The following LAMA5 variants were observed in gnomAD, a reference collection of about 807,000 sequenced individuals.
LAMA5 encodes laminin subunit alpha-5.
LAMA5 carries 260 observed loss-of-function variants against 433.4 expected under a neutral mutation model. The observed-to-expected ratio is 0.60, with a 90% confidence interval of 0.54 to 0.66. LAMA5 has a LOEUF of 0.66. Among genes scored for constraint, LAMA5 ranks in the 30% least tolerant of loss-of-function variants. The pLI is 0.00. For missense variants in LAMA5, 5,378 were observed against 5,258.5 expected (o/e 1.02, Z -0.70); for synonymous variants, 2,620 against 2,226.6 (o/e 1.18, Z -4.97).
At position 62,312,649 on chromosome 20, in the gene LAMA5, G is replaced by T; in HGVS notation, c.9210C>A (p.Pro3070=). 1.2e-6 allele frequency: 2 copies of T among 1,606,990 alleles called. No individual in the cohort carries two copies. Among genetic ancestry groups the T allele is most frequent in the East Asian group, 2.2e-5 (1 of 44,454 alleles). Residue 3070 remains proline, a synonymous_variant, in exon 67 of 80, where the codon CCC becomes CCA. Transcript: ENST00000252999. ...GTGCTTACCTCGGGGGCAGCTGGTC[G>T]GGCGGCACGCCCCCCAGGTAGTAGG... ...ADAYYLGGVP[P]DQLPPSLRRL...
intron 11 of LAMA5, among the ~76,000 whole-genome samples, chr20:62,342,562 C>T (rs1461648987): frequency 6.6e-6 from 1 of 151,932 alleles, no homozygotes; most frequent in African/African-American, 2.4e-5. Flanking sequence ...ACCTGTAGTC[C>T]CAGCTACTCA....
intron 57 of LAMA5, chr20:62,316,260 C>CCA: frequency 1.7e-6 from 1 of 594,986 alleles, no homozygotes. Flanking sequence ...GCCTCTGGTC[C>CCA]CACTGCAGGC....
intron 58 of LAMA5, 113 bp from the exon 59 acceptor site, chr20:62,315,320 G>A: frequency 1.2e-6 from 1 of 848,018 alleles, no homozygotes. Flanking sequence ...CCTATGGATC[G>A]TGTGAGACCC....
At chr20:62,361,928 G>C (rs970802908) in intron 2 of LAMA5, among the ~76,000 whole-genome samples, 1 of 152,154 alleles carries the variant, frequency 6.6e-6, no homozygotes, top group Non-Finnish European at 1.5e-5. Context: ...GCAGGCACCC[G>C]ACCCCACCTA....
intron 2 of LAMA5, among the ~76,000 whole-genome samples, chr20:62,354,151 G>C (rs149796056): frequency 1.3e-5 from 2 of 152,074 alleles, no homozygotes; most frequent in Non-Finnish European, 2.9e-5. Context: ...CCTCGGGGCT[G>C]GGGGACAGCC....
In LAMA5 at chr20:62,327,414, C is replaced by G; in HGVS notation, c.4939-8G>C. 6.3e-7 allele frequency: 1 copy of G among 1,587,334 alleles called. No individual in the cohort carries two copies. Among genetic ancestry groups the G allele is most frequent in the Non-Finnish European group, 8.6e-7 (1 of 1,164,848 alleles). On this transcript the variant is annotated splice_region_variant and splice_polypyrimidine_tract_variant and intron_variant, in intron 37 of 79. Transcript: ENST00000252999. ...TCCCTCCATATCCACGAACTGTGGG[C>G]ACACACGTGTGGCTGCACACGGGTG...
At chr20:62,345,989 G>A (rs1280043326) in intron 10 of LAMA5, 92 bp downstream of exon 10, 5 of 1,581,024 alleles carry the variant, frequency 3.2e-6, no homozygotes, top group Non-Finnish European at 4.3e-6. Context: ...AGGATAACAT[G>A]GTCCATCCCG....
In LAMA5 at chr20:62,320,793, G is replaced by T. The variant is rs772417233; in HGVS notation, c.6594C>A (p.Ser2198Arg). The T allele has an allele frequency of 4.0e-5, 65 of 1,612,600 alleles. No individual in the cohort carries two copies. Among genetic ancestry groups the T allele is most frequent in the Admixed American group, 1.7e-4 (10 of 59,962 alleles). Residue 2198 changes from serine to arginine, a missense_variant, in exon 49 of 80, where the codon AGC becomes AGA. Physicochemically the swap from Ser to Arg is moderately radical, Grantham distance 110 (BLOSUM62 -1). Coordinates refer to ENST00000252999, the MANE Select transcript of LAMA5 (RefSeq NM_005560.6). The part of the protein sequence containing the change: ...IHEQLRGINA[S>R]SMAWARLHRL... ...TGTGCAGACGGGCCCAGGCCATGGA[G>T]CTGGCATTGATGCCACGCAGTTGCT...
At chr20:62,326,233 A>AAAC (rs543030976) in intron 40 of LAMA5, among the ~76,000 whole-genome samples, 883 of 56,242 alleles carry the variant, frequency 0.016, 4 homozygotes, top group African/African-American at 0.03. Context: ...ACAAACAAAC[A>AAAC]AAAAAAAAAA....
Position 62,337,781 on chromosome 20 carries a change from C to A in LAMA5, c.2026+23G>T, listed in dbSNP as rs769464794. ...AGTGGAGACTGCACCTGCCTCCCCA[C>A]CACTTCCTCCCTAGGCACTCACGGA... On this transcript the variant is annotated intron_variant, in intron 15 of 79. Coordinates refer to ENST00000252999, the MANE Select transcript of LAMA5 (RefSeq NM_005560.6). 4 of 1,609,942 alleles carry A rather than the reference C, an allele frequency of 2.5e-6. No individual in the cohort carries two copies. The South Asian group carries it at 3.3e-5, about 13-fold the overall frequency.
chr20:62,309,756 T>C lies in LAMA5; in HGVS notation c.10908A>G (p.Ala3636=), dbSNP rs1245687550. 6.2e-7 allele frequency: 1 copy of C among 1,604,366 alleles called. No homozygotes were observed. The highest frequency in any genetic ancestry group is 1.1e-5 in the South Asian group (1 of 90,424). ...NHTVGPLLAA[A]AGAPAPLYLG... ...GGTACAGAGGGGCTGGGGCACCAGC[T>C]GCAGCCGCCAGCAAGGGGCCCACGG... The change falls in exon 79 of 80, where the codon GCA becomes GCG. Residue 3636 remains alanine, a synonymous_variant. Transcript: ENST00000252999.
chr20:62,321,388 G>GTCAGAGGACCGGTGGGT (rs1568917581), intron 48 of LAMA5, among the ~76,000 whole-genome samples: 1 of 3,584 alleles, frequency 2.8e-4, no homozygotes, highest in Non-Finnish European at 8.1e-4. Context: ...GAGGGGTGGG[G>GTCAGAGGACCGGTGGGT]TCAGAGGACG....
Position 62,346,708 on chromosome 20 carries a change from C to T in LAMA5, c.1165G>A (p.Gly389Ser). 3.1e-6 allele frequency: 5 copies of T among 1,613,338 alleles called. No homozygotes were observed. Among genetic ancestry groups the T allele is most frequent in the Non-Finnish European group, 4.2e-6 (5 of 1,179,914 alleles). ...ASQSLDGTYQ[G>S]GGVCIDCQHH... ...TGGCAGTCGATACAGACACCCCCAC[C>T]CTGATAGGTGCCATCCAGGCTCTGG... The change falls in exon 8 of 80, where the codon GGT becomes AGT. Residue 389 changes from glycine (G) to serine (S), a missense_variant. Gly to Ser is a moderately conservative substitution (Grantham distance 56). Coordinates refer to ENST00000252999, the MANE Select transcript of LAMA5 (RefSeq NM_005560.6).
intron 53 of LAMA5, 134 bp downstream of exon 53, chr20:62,318,320 G>GGGGAGGACGAGGGA: frequency 3.2e-6 from 1 of 317,156 alleles, no homozygotes; most frequent in South Asian, 3.6e-5. Flanking sequence ...GAGGAGGAGG[G>GGGGAGGACGAGGGA]GGGGAGGACG....
At chr20:62,348,217 A>G (rs1292615879) in intron 6 of LAMA5, among the ~76,000 whole-genome samples, 1 of 152,196 alleles carries the variant, frequency 6.6e-6, no homozygotes, top group African/African-American at 2.4e-5. Flanking sequence ...CAGAGAAACA[A>G]TGTGGCAGGT....
At chr20:62,351,552 G>T in intron 6 of LAMA5, 152 bp downstream of exon 6, 1 of 684,176 alleles carries the variant, frequency 1.5e-6, no homozygotes, top group Non-Finnish European at 2.5e-6. Flanking sequence ...AGGCACACAC[G>T]GCGGTGGTCA....
intron 40 of LAMA5, among the ~76,000 whole-genome samples, chr20:62,325,769 A>G (rs1979183373): frequency 6.6e-6 from 1 of 152,236 alleles, no homozygotes; most frequent in Admixed American, 6.5e-5. Context: ...TTAAGAATTG[A>G]AATACACAAA....
rs77172131 is a variant in LAMA5, at chr20:62,309,427, C to T, written c.10997G>A (p.Arg3666Lys). The change falls in exon 80 of 80, where the codon AGG becomes AAG. Residue 3666 changes from arginine (R) to lysine (K), a missense_variant. Transcript: ENST00000252999. ...PWPPAYCGCM[R>K]RLAVNRSPVA... Reference sequence around the variant, plus strand: ...GGGGGACCGGTTCACCGCCAGCCTCCTCATGCAGCCGCAGTAGGCGGGGGG... The same window carrying T: ...GGGGGACCGGTTCACCGCCAGCCTCTTCATGCAGCCGCAGTAGGCGGGGGG... The T allele has an allele frequency of 2.5e-3, 4,010 of 1,584,524 alleles. 98 individuals carry two copies. In the African/African-American group the frequency reaches 0.045, roughly 18 times the overall value.
In LAMA5 at chr20:62,320,832, G is replaced by A. The variant is rs778822828; in HGVS notation, c.6555C>T (p.Leu2185=). ...CACGCAGTTGCTCGTGAATGGCGGG[G>A]AGGAGGGCGCCGGCCCGTTCCAGGT... ...LDDLERAGAL[L]PAIHEQLRGI... The change falls in exon 49 of 80, where the codon CTC becomes CTT. Residue 2185 remains leucine (L), a synonymous_variant. Coordinates refer to ENST00000252999, the MANE Select transcript of LAMA5 (RefSeq NM_005560.6). 6 of 1,612,626 alleles carry A rather than the reference G, an allele frequency of 3.7e-6. No homozygotes were observed. Among genetic ancestry groups the A allele is most frequent in the Admixed American group, 3.3e-5 (2 of 59,980 alleles).
Sources: gnomAD v4.1 joint callset for allele counts (sites outside exome capture counted in the v4.1 genomes callset) on GRCh38, gnomAD v4.1.1 for gene constraint, MANE v1.5 for transcripts, NCBI Gene and HGNC (gene_info 2026-07-23, HGNC 2026-07-21) for gene names.